OR6N1: variants seen among roughly 807,000 people sequenced by gnomAD.
The protein encoded by OR6N1 is olfactory receptor family 6 subfamily N member 1, also known as olfactory receptor 6N1.
For synonymous variants in OR6N1, 170 were observed against 150.7 expected, an observed-to-expected ratio of 1.13 and a Z score of -0.94; for missense variants, 394 against 371.7, an observed-to-expected ratio of 1.06 and a Z score of -0.49.
intron 1 of OR6N1, 144 bp from the exon 2 acceptor site, chr1:158,766,844 T>C (rs1657288293): frequency 3.3e-6 from 2 of 601,938 alleles, no homozygotes; most frequent in Non-Finnish European, 5.8e-6. Context: ...GGTCAACATT[T>C]CAATTCCATC....
At chr1:158,768,689 T>C (rs74460256) in intron 1 of OR6N1, among the ~76,000 whole-genome samples, 2 of 152,220 alleles carry the variant, frequency 1.3e-5, no homozygotes, top group Non-Finnish European at 2.9e-5. Context: ...CTTTCCTTGT[T>C]CTAGAATCTC....
At chr1:158,784,198 T>C in the OR6N1 span, among the ~76,000 whole-genome samples, 1 of 152,320 alleles carries the variant, frequency 6.6e-6, no homozygotes, top group East Asian at 1.9e-4. Flanking sequence ...TAGGCCAGAT[T>C]CTTCTGTTAT....
At chr1:158,811,899 T>C in the OR6N1 span, among the ~76,000 whole-genome samples, 2 of 152,184 alleles carry the variant, frequency 1.3e-5, no homozygotes, top group Non-Finnish European at 2.9e-5. Context: ...GAAAATATTG[T>C]AACCTCAAGA....
chr1:158,798,073 C>T, the OR6N1 span, among the ~76,000 whole-genome samples: 1 of 151,768 alleles, frequency 6.6e-6, no homozygotes, highest in African/African-American at 2.4e-5. Flanking sequence ...GTTATTATAA[C>T]TTTAAACTTT....
the OR6N1 span, among the ~76,000 whole-genome samples, chr1:158,803,941 G>A: frequency 7.2e-5 from 11 of 152,150 alleles, no homozygotes; most frequent in African/African-American, 2.7e-4. Context: ...GTATTACTGT[G>A]CAATGGGTTC....
intron 1 of OR6N1, among the ~76,000 whole-genome samples, chr1:158,767,100 A>G (rs540939985): frequency 6.6e-6 from 1 of 152,322 alleles, no homozygotes; most frequent in Non-Finnish European, 1.5e-5. Context: ...TTGATACCGT[A>G]CTGGACCAAA....
chr1:158,796,987 G>A, the OR6N1 span, among the ~76,000 whole-genome samples: 5 of 152,014 alleles, frequency 3.3e-5, no homozygotes, highest in Non-Finnish European at 7.4e-5. Context: ...TGTCCAGGAT[G>A]GGGGAGGTCC....
chr1:158,826,758 A>G, the OR6N1 span, among the ~76,000 whole-genome samples: 1 of 152,170 alleles, frequency 6.6e-6, no homozygotes, highest in African/African-American at 2.4e-5. Context: ...TATGAGGGGA[A>G]TTTCAGGATG....
At chr1:158,799,845 A>G in the OR6N1 span, among the ~76,000 whole-genome samples, 8 of 152,188 alleles carry the variant, frequency 5.3e-5, no homozygotes, top group African/African-American at 1.9e-4. Context: ...ACAGCCAGCC[A>G]TGTTGTCTAC....
chr1:158,804,839 T>C, the OR6N1 span, among the ~76,000 whole-genome samples: 3,602 of 152,254 alleles, frequency 0.024, 54 homozygotes, highest in Non-Finnish European at 0.038. Context: ...AGCTTTTATG[T>C]CCCAGACTTT....
chr1:158,770,348 C>T (rs537511224), intron 1 of OR6N1, among the ~76,000 whole-genome samples: 3 of 152,284 alleles, frequency 2.0e-5, no homozygotes, highest in South Asian at 2.1e-4. Context: ...TTATTTTCCA[C>T]GGAAAACTAG....
At chr1:158,803,050 T>A in the OR6N1 span, among the ~76,000 whole-genome samples, 14 of 152,182 alleles carry the variant, frequency 9.2e-5, no homozygotes, top group Non-Finnish European at 1.5e-5. Flanking sequence ...TGTACTTTTA[T>A]TTTTCAGAAT....
At chr1:158,776,727 C>G, upstream of OR6N1, 2 of 1,612,928 alleles carry the variant, frequency 1.2e-6, no homozygotes, top group Non-Finnish European at 1.7e-6. Flanking sequence ...GGAAGATGGT[C>G]CTCTTGATAG....
chr1:158,824,960 G>C, the OR6N1 span, among the ~76,000 whole-genome samples: 2 of 152,146 alleles, frequency 1.3e-5, no homozygotes, highest in African/African-American at 2.4e-5. Flanking sequence ...ACCAAAAATT[G>C]ACAAATGAAA....
At chr1:158,791,449 AG>A in the OR6N1 span, among the ~76,000 whole-genome samples, 1 of 151,060 alleles carries the variant, frequency 6.6e-6, no homozygotes, top group Non-Finnish European at 1.5e-5. Flanking sequence ...TGATCTGAGG[AG>A]ATACTTGATA....
At chr1:158,791,073 G>A in the OR6N1 span, among the ~76,000 whole-genome samples, 1 of 152,090 alleles carries the variant, frequency 6.6e-6, no homozygotes, top group African/African-American at 2.4e-5. Flanking sequence ...CACATTTATT[G>A]ACTTATGTAT....
At chr1:158,799,386 C>T in the OR6N1 span, among the ~76,000 whole-genome samples, 2 of 152,178 alleles carry the variant, frequency 1.3e-5, no homozygotes, top group African/African-American at 4.8e-5. Flanking sequence ...GATTTTCTCT[C>T]TCTAGCCTAC....
the OR6N1 span, among the ~76,000 whole-genome samples, chr1:158,786,659 T>C: frequency 6.6e-6 from 1 of 152,300 alleles, no homozygotes; most frequent in African/African-American, 2.4e-5. Flanking sequence ...CACGTAATAC[T>C]ACTCAGCCAT....
chr1:158,806,590 G>T, the OR6N1 span, among the ~76,000 whole-genome samples: 490 of 152,270 alleles, frequency 3.2e-3, 4 homozygotes, highest in African/African-American at 0.011. Context: ...TTCAAAGACC[G>T]TGGTGTAAGC....
Sources: gnomAD v4.1 joint callset for allele counts (sites outside exome capture counted in the v4.1 genomes callset) on GRCh38, gnomAD v4.1.1 for gene constraint, MANE v1.5 for transcripts, NCBI Gene and HGNC (gene_info 2026-07-23, HGNC 2026-07-21) for gene names.